The following TMEM232 variants were observed in gnomAD, a reference collection of about 807,000 sequenced individuals.
TMEM232 encodes transmembrane protein 232.
Under a neutral mutation model 78.8 loss-of-function variants are expected in TMEM232, and 80 were observed. The observed-to-expected ratio is 1.01, with a 90% CI of 0.85 to 1.22. The LOEUF (loss-of-function observed/expected upper bound fraction) is 1.22, where lower values mean the gene tolerates loss of function less well. TMEM232 is among the 50% of genes most tolerant of loss of function. The pLI, the probability that TMEM232 is intolerant of heterozygous loss-of-function variation, is 0.00. For synonymous variants in TMEM232, 297 were observed against 254.3 expected (o/e 1.17, Z -1.60); for missense variants, 881 against 742.2 (o/e 1.19, Z -2.17).
At chr5:110,549,469 G>A (rs1477299974) in intron 11 of TMEM232, among the ~76,000 whole-genome samples, 1 of 151,754 alleles carries the variant, frequency 6.6e-6, no homozygotes, top group Non-Finnish European at 1.5e-5. Flanking sequence ...TAACAAATAA[G>A]CTGGGCATGA....
chr5:110,661,745 T>A (rs1387374774), intron 2 of TMEM232, among the ~76,000 whole-genome samples: 1 of 152,228 alleles, frequency 6.6e-6, no homozygotes, highest in Non-Finnish European at 1.5e-5. Context: ...ATAATGGCTA[T>A]GCTAATTTAC....
chr5:110,556,063 T>C (rs895761433), intron 11 of TMEM232, among the ~76,000 whole-genome samples: 10 of 152,172 alleles, frequency 6.6e-5, no homozygotes, highest in African/African-American at 2.4e-4. Context: ...GATAGTGTTG[T>C]TGCTTTATGG....
chr5:110,653,941 G>C (rs1788681139), intron 2 of TMEM232, among the ~76,000 whole-genome samples: 2 of 152,154 alleles, frequency 1.3e-5, no homozygotes, highest in Admixed American at 6.5e-5. Flanking sequence ...AAAATTTCAA[G>C]AGGAAGAATA....
At chr5:110,495,555 T>C (rs1447365165) in intron 12 of TMEM232, among the ~76,000 whole-genome samples, 2 of 151,926 alleles carry the variant, frequency 1.3e-5, no homozygotes, top group Non-Finnish European at 1.5e-5. Flanking sequence ...TTTTGTACTA[T>C]GGGAATGTTG....
At chr5:110,695,908 T>C (rs1265791473) in intron 1 of TMEM232, among the ~76,000 whole-genome samples, 1 of 152,120 alleles carries the variant, frequency 6.6e-6, no homozygotes, top group African/African-American at 2.4e-5. Context: ...TCTGAAACTA[T>C]TCCAATCGAT....
chr5:110,492,634 C>G (rs1397055366), intron 12 of TMEM232, among the ~76,000 whole-genome samples: 1 of 151,830 alleles, frequency 6.6e-6, no homozygotes, highest in Non-Finnish European at 1.5e-5. Flanking sequence ...TGCTTCCATT[C>G]AAAATTTAAT....
At chr5:110,670,477 A>C (rs1306795534) in intron 1 of TMEM232, among the ~76,000 whole-genome samples, 1 of 152,198 alleles carries the variant, frequency 6.6e-6, no homozygotes, top group Non-Finnish European at 1.5e-5. Context: ...TCAACAAAAT[A>C]AAAGAGGACA....
intron 7 of TMEM232, among the ~76,000 whole-genome samples, chr5:110,621,097 A>C (rs10067370): frequency 0.075 from 11,384 of 151,880 alleles, 536 homozygotes; most frequent in South Asian, 0.2. Flanking sequence ...TCCTGACCTC[A>C]AGTGATGCAC....
intron 13 of TMEM232, among the ~76,000 whole-genome samples, chr5:110,422,813 C>T (rs755474670): frequency 4.6e-5 from 7 of 151,952 alleles, no homozygotes; most frequent in Non-Finnish European, 1.0e-4. Flanking sequence ...GTGACCATGA[C>T]AACAGATCAA....
At chr5:110,490,320 A>C (rs1352144356) in intron 12 of TMEM232, among the ~76,000 whole-genome samples, 1 of 152,160 alleles carries the variant, frequency 6.6e-6, no homozygotes, top group Non-Finnish European at 1.5e-5. Context: ...AGAGAAGTAC[A>C]AGACTTATAC....
At chr5:110,499,931 T>A (rs1264338785) in intron 12 of TMEM232, among the ~76,000 whole-genome samples, 1 of 152,156 alleles carries the variant, frequency 6.6e-6, no homozygotes, top group African/African-American at 2.4e-5. Flanking sequence ...AACTGCAGAA[T>A]GCATAGCCTT....
At chr5:110,717,775 T>C (rs574277634) in intron 1 of TMEM232, among the ~76,000 whole-genome samples, 1 of 152,252 alleles carries the variant, frequency 6.6e-6, no homozygotes, top group South Asian at 2.1e-4. Flanking sequence ...TCTCCCCCTT[T>C]CACTCCTCAC....
intron 12 of TMEM232, among the ~76,000 whole-genome samples, chr5:110,437,487 G>A (rs563231986): frequency 6.6e-6 from 1 of 152,058 alleles, no homozygotes; most frequent in Non-Finnish European, 1.5e-5. Flanking sequence ...GGAAGGGAGA[G>A]CCAAGTGATT....
chr5:110,625,759 T>C (rs776553606), intron 6 of TMEM232, among the ~76,000 whole-genome samples: 1 of 151,638 alleles, frequency 6.6e-6, no homozygotes, highest in Non-Finnish European at 1.5e-5. Flanking sequence ...GCTGTATTCA[T>C]AATGGATACT....
chr5:110,610,770 A>T (rs1475260324), intron 8 of TMEM232, among the ~76,000 whole-genome samples: 1 of 152,130 alleles, frequency 6.6e-6, no homozygotes, highest in Non-Finnish European at 1.5e-5. Context: ...TAGAAATTTG[A>T]AGGGGGAATT....
chr5:110,392,744 G>C (rs1755246793), intron 3 of TMEM232, among the ~76,000 whole-genome samples: 1 of 152,124 alleles, frequency 6.6e-6, no homozygotes, highest in Non-Finnish European at 1.5e-5. Flanking sequence ...CATATTGTGG[G>C]TTAGGGATTC....
In TMEM232 at chr5:110,420,721, A is replaced by G. The variant is rs750266574; in HGVS notation, c.1833T>C (p.Asp611=). ...QEELKIREKE[D]AICKAQELKD... is the part of the protein sequence containing the mutation. ...TAAGTTCTTGGGCCTTGCATATTGC[A>G]TCTTCTTTTTCTCGGATCTTTAGCT... Residue 611 remains aspartate (D), a synonymous_variant, in exon 14 of 14, where the codon GAT becomes GAC. Coordinates refer to ENST00000455884, the MANE Select transcript of TMEM232 (RefSeq NM_001039763.4). 153 of 1,524,700 alleles carry G rather than the reference A, an allele frequency of 1.0e-4. No homozygotes were observed. The highest frequency in any genetic ancestry group is 4.1e-5 in the Admixed American group (2 of 48,474). 94.4% of individuals were successfully genotyped at this position (1,524,700 alleles called of 1,614,324 possible). A position where few individuals can be genotyped will look rare whatever the true frequency, so the allele number is the denominator to read the frequency against.
Position 110,395,150 on chromosome 5 carries a change from T to C in TMEM232, n.390+2623A>G, listed in dbSNP as rs371703813. Among the ~76,000 whole-genome samples the C allele has an allele frequency of 9.2e-5, 14 of 152,302 alleles. No individual in the cohort carries two copies. In the East Asian group the frequency reaches 2.7e-3, roughly 29 times the overall value. On this transcript the variant is annotated intron_variant and non_coding_transcript_variant, in intron 3 of 8. Coordinates refer to the TMEM232 transcript ENST00000507188. ...TTGTTGCTGTTCCCCTCCCATTGCA[T>C]TTTCATTAATGCACTAAGAGCATCA...
Position 110,566,590 on chromosome 5 carries a change from G to T in TMEM232, c.1455+1857C>A, listed in dbSNP as rs186396873. ...CATAGCAAGAGTGACCTTTACTCCA[G>T]TTCCCAACAAGTTCCTCATCTTCAT... On this transcript the variant is annotated intron_variant, in intron 11 of 13. Transcript: ENST00000455884. Among the ~76,000 whole-genome samples, 39 of 151,998 alleles carry T rather than the reference G, an allele frequency of 2.6e-4. No individual in the cohort carries two copies. In the East Asian group the frequency reaches 5.1e-3, roughly 20 times the overall value.
Sources: gnomAD v4.1 joint callset for allele counts (sites outside exome capture counted in the v4.1 genomes callset) on GRCh38, gnomAD v4.1.1 for gene constraint, MANE v1.5 for transcripts, NCBI Gene and HGNC (gene_info 2026-07-23, HGNC 2026-07-21) for gene names.